The following FAM98B variants were observed in gnomAD, a reference collection of about 807,000 sequenced individuals.
The protein encoded by FAM98B is tRNA splicing ligase complex subunit 3B.
In FAM98B, 32 loss-of-function variants were observed where a neutral mutation model predicts 43.9. The ratio of observed to expected loss-of-function variants is 0.73; its 90% confidence interval spans 0.55 to 0.98. The LOEUF (loss-of-function observed/expected upper bound fraction) is 0.98. FAM98B is among the 50% of genes least tolerant of loss of function. The pLI is 0.00. For missense variants in FAM98B, 514 were observed against 522.9 expected (o/e 0.98, Z 0.17); for synonymous variants, 190 against 174.0 (o/e 1.09, Z -0.72).
At chr15:38,458,262 A>G (rs1294208723) in intron 1 of FAM98B, among the ~76,000 whole-genome samples, 1 of 152,196 alleles carries the variant, frequency 6.6e-6, no homozygotes, top group East Asian at 1.9e-4. Flanking sequence ...AGCTGGCTGG[A>G]GAAAGATTTT....
intron 1 of FAM98B, 26 bp downstream of exon 1, chr15:38,454,258 C>T (rs907225167): frequency 6.3e-7 from 1 of 1,586,734 alleles, no homozygotes; most frequent in Non-Finnish European, 8.6e-7. Context: ...GACGCCTTTT[C>T]CCTGAAAACG....
Position 38,470,235 on chromosome 15 carries a change from A to G in FAM98B, c.361A>G (p.Ser121Gly). 1 of 1,451,428 alleles carries G rather than the reference A, an allele frequency of 6.9e-7. No homozygotes were observed. The highest frequency in any genetic ancestry group is 9.2e-7 in the Non-Finnish European group (1 of 1,082,156). 89.9% of individuals were successfully genotyped at this position (1,451,428 alleles called of 1,614,324 possible). The part of the protein sequence containing the change: ...EDCLKLLLFL[S>G]TELQASQILQ... Reference sequence around the variant, plus strand: ...TTTTCTCTTTATTGTAGTATTTTTAAGTACAGAACTTCAAGCTTCACAGAT... The same window carrying G: ...TTTTCTCTTTATTGTAGTATTTTTAGGTACAGAACTTCAAGCTTCACAGAT... Residue 121 changes from serine to glycine, a missense_variant, in exon 4 of 8, where the codon AGT becomes GGT. By Grantham distance (56) the Ser-to-Gly change is moderately conservative. Transcript: ENST00000397609.
At chr15:38,469,606 T>A (rs1018288131) in intron 3 of FAM98B, among the ~76,000 whole-genome samples, 1 of 151,602 alleles carries the variant, frequency 6.6e-6, no homozygotes, top group Non-Finnish European at 1.5e-5. Context: ...TCAGAACAGG[T>A]CCTTGGTAGA....
chr15:38,474,847 C>T (rs985992179), intron 6 of FAM98B, among the ~76,000 whole-genome samples: 1 of 152,130 alleles, frequency 6.6e-6, no homozygotes, highest in Non-Finnish European at 1.5e-5. Flanking sequence ...GCTCTCCCTA[C>T]CCTGCATCAT....
chr15:38,484,605 AGGTGGTGGT>A lies in FAM98B; in HGVS notation c.1269_1277del (p.Gly427_Gly429del), dbSNP rs201831942. 142,974 of 1,048,216 alleles carry A rather than the reference AGGTGGTGGT, an allele frequency of 0.14. 7,027 individuals are homozygous for A. The highest frequency in any genetic ancestry group is 0.18 in the South Asian group (11,405 of 63,328). 64.9% of individuals were successfully genotyped at this position (1,048,216 alleles called of 1,614,324 possible). ...GAGGCTATGGAGATCCATATGGAGGAGGTGGTGGTGGTGGTGGTGGTGGTGGTGGAGGAG... is the reference window on the plus strand; with the variant it reads ...GAGGCTATGGAGATCCATATGGAGGAGGTGGTGGTGGTGGTGGTGGAGGAG... On this transcript the variant is annotated inframe_deletion, in exon 8 of 8. Coordinates refer to ENST00000397609, the MANE Select transcript of FAM98B (RefSeq NM_173611.4).
chr15:38,474,315 A>C lies in FAM98B; in HGVS notation c.729+17A>C. 1 of 1,560,262 alleles carries C rather than the reference A, an allele frequency of 6.4e-7. No homozygotes were observed. The highest frequency in any genetic ancestry group is 1.4e-5 in the African/African-American group (1 of 73,886). On this transcript the variant is annotated intron_variant, in intron 6 of 7. Coordinates refer to ENST00000397609, the MANE Select transcript of FAM98B (RefSeq NM_173611.4). Reference sequence around the variant, plus strand: ...AGAGCAAAGGTAAGGCTGTTTTCCCATATGTGTCCTGTAGGTGGTAGCCTA... The same window carrying C: ...AGAGCAAAGGTAAGGCTGTTTTCCCCTATGTGTCCTGTAGGTGGTAGCCTA...
At chr15:38,481,589 T>C (rs747963954) in intron 7 of FAM98B, 130 bp downstream of exon 7, 5 of 1,608,220 alleles carry the variant, frequency 3.1e-6, no homozygotes, top group Admixed American at 1.7e-5. Context: ...GGGGGTTCAG[T>C]CTAGGCTTAG....
intron 4 of FAM98B, among the ~76,000 whole-genome samples, chr15:38,470,951 T>A (rs1890122466): frequency 7.8e-6 from 1 of 128,812 alleles, no homozygotes; most frequent in Non-Finnish European, 1.6e-5. Flanking sequence ...TACTTTGGCA[T>A]TTTTTTTTTT....
At chr15:38,475,564 C>G (rs77731106) in intron 6 of FAM98B, among the ~76,000 whole-genome samples, 1 of 152,058 alleles carries the variant, frequency 6.6e-6, no homozygotes, top group African/African-American at 2.4e-5. Flanking sequence ...GCCAGTAGCC[C>G]GGTAGAATCT....
intron 1 of FAM98B, among the ~76,000 whole-genome samples, chr15:38,461,832 G>A (rs1017119229): frequency 1.8e-4 from 28 of 152,122 alleles, no homozygotes; most frequent in African/African-American, 5.5e-4. Flanking sequence ...AATTATGAGG[G>A]AATGGGTACT....
rs1890338691 is a variant in FAM98B at position 38,484,490 on chromosome 15, GA to G, written c.1134del (p.Gly379GlufsTer61). The G allele has an allele frequency of 1.3e-5, 7 of 549,724 alleles. No homozygotes were observed. The highest frequency in any genetic ancestry group is 1.8e-5 in the Non-Finnish European group (7 of 398,028). The allele number at this position is 549,724 out of a possible 1,614,324, so 34.1% of individuals were successfully genotyped here. A position where few individuals can be genotyped will look rare whatever the true frequency, so the allele number is the denominator to read the frequency against. ...GGGGGAGGGGGAGGAGGGTGGGGGGGAGGAGGAGGAGGTGGTAGAGGAGGTT... is the reference window on the plus strand; with the variant it reads ...GGGGGAGGGGGAGGAGGGTGGGGGGGGGAGGAGGAGGTGGTAGAGGAGGTT... ...GGGGGGGGWG[G>X]GGGGGRGGFQ... On this transcript the variant is annotated frameshift_variant, in exon 8 of 8. Transcript: ENST00000397609. LOFTEE classifies it low-confidence loss of function (END_TRUNC).
rs895601078 is a variant in FAM98B at position 38,481,617 on chromosome 15, A to G, written c.897+158A>G. 26 of 1,574,458 alleles carry G rather than the reference A, an allele frequency of 1.7e-5. No homozygotes were observed. The African/African-American group carries it at 2.6e-4, about 16-fold the overall frequency. ...AGGCTTAGTTATGTTATTTTTGTGT[A>G]TGTGTGTATGTTCACTTGAATTTGT... On this transcript the variant is annotated intron_variant, in intron 7 of 7. Coordinates refer to ENST00000397609, the MANE Select transcript of FAM98B (RefSeq NM_173611.4).
At position 38,484,707 on chromosome 15, in the gene FAM98B, AG is replaced by A; in HGVS notation, c.*49del. ...GTGCTTGCTTCTTTATAGATACATT[AG>A]AAATAGTGTTCCAAATAACATACTT... On this transcript the variant is annotated 3_prime_UTR_variant, in exon 8 of 8. Transcript: ENST00000397609. The A allele has an allele frequency of 6.7e-7, 1 of 1,489,158 alleles. No individual in the cohort carries two copies. Among genetic ancestry groups the A allele is most frequent in the Non-Finnish European group, 8.9e-7 (1 of 1,129,084 alleles). The allele number at this position is 1,489,158 out of a possible 1,614,324, so 92.2% of individuals were successfully genotyped here.
chr15:38,475,707 C>T (rs943056494), intron 6 of FAM98B, among the ~76,000 whole-genome samples: 2 of 152,142 alleles, frequency 1.3e-5, no homozygotes, highest in Non-Finnish European at 2.9e-5. Context: ...CTCTCCATCT[C>T]AAGATGTTTA....
chr15:38,455,772 C>A (rs1462683300), intron 1 of FAM98B, among the ~76,000 whole-genome samples: 1 of 152,152 alleles, frequency 6.6e-6, no homozygotes, highest in South Asian at 2.1e-4. Flanking sequence ...TTCTTCATTT[C>A]TTGAACTTAT....
At chr15:38,469,340 A>C (rs955733943) in intron 3 of FAM98B, among the ~76,000 whole-genome samples, 7 of 152,232 alleles carry the variant, frequency 4.6e-5, no homozygotes, top group African/African-American at 1.7e-4. Flanking sequence ...AGGGACTTGT[A>C]AACAGTTTGG....
intron 6 of FAM98B, among the ~76,000 whole-genome samples, chr15:38,477,452 C>T (rs1025597900): frequency 6.6e-6 from 1 of 152,010 alleles, no homozygotes; most frequent in African/African-American, 2.4e-5. Context: ...TTCTTCTTGT[C>T]ATAGGATATA....
chr15:38,454,191 G>C lies in FAM98B; in HGVS notation c.30G>C (p.Pro10=). Residue 10 remains proline (P), a synonymous_variant, in exon 1 of 8, where the codon CCG becomes CCC. Coordinates refer to ENST00000397609, the MANE Select transcript of FAM98B (RefSeq NM_173611.4). ...GAGGGCCGGAGCCGGGTCCCCAACC[G>C]ACGATGGAGGGAGACGTGCTGGACA... The part of the protein sequence containing the change: MRGPEPGPQ[P]TMEGDVLDTL... The C allele has an allele frequency of 6.2e-7, 1 of 1,603,828 alleles. No individual in the cohort carries two copies. Among genetic ancestry groups the C allele is most frequent in the Non-Finnish European group, 8.5e-7 (1 of 1,176,446 alleles).
chr15:38,472,361 C>T (rs1271935535), intron 4 of FAM98B, among the ~76,000 whole-genome samples: 1 of 151,926 alleles, frequency 6.6e-6, no homozygotes, highest in Non-Finnish European at 1.5e-5. Context: ...TTAATAATTT[C>T]TTTAAAATAT....
Sources: allele counts gnomAD v4.1 joint callset (sites outside exome capture counted in the v4.1 genomes callset), GRCh38; gene constraint gnomAD v4.1.1; transcripts MANE v1.5; gene names NCBI Gene and HGNC (gene_info 2026-07-23, HGNC 2026-07-21).